Variants in ITGB3BP observed in about 807,000 individuals in gnomAD.
ITGB3BP encodes the protein integrin subunit beta 3 binding protein.
A neutral mutation model predicts 29.1 loss-of-function variants in ITGB3BP; 27 were observed. That is an observed-to-expected ratio of 0.93 (90% CI 0.68 to 1.28). The LOEUF (loss-of-function observed/expected upper bound fraction) is 1.28. Ranked by LOEUF, ITGB3BP falls within the 50% of genes most tolerant of loss-of-function variation. The pLI is 0.00. For missense variants in ITGB3BP, 192 were observed against 200.2 expected (o/e 0.96, Z 0.25); for synonymous variants, 61 against 61.4 (o/e 0.99, Z 0.03).
chr1:63,512,415 C>T (rs1474090821), intron 1 of ITGB3BP, among the ~76,000 whole-genome samples: 4 of 151,800 alleles, frequency 2.6e-5, no homozygotes, highest in African/African-American at 7.3e-5. Flanking sequence ...GAAAAAAAAA[C>T]CCTATCATTT....
intron 2 of ITGB3BP, among the ~76,000 whole-genome samples, chr1:63,506,526 C>T (rs183457040): frequency 3.3e-5 from 5 of 151,998 alleles, no homozygotes; most frequent in African/African-American, 1.2e-4. Context: ...GTGGGAATTA[C>T]GGGAGTACAA....
intron 2 of ITGB3BP, among the ~76,000 whole-genome samples, chr1:63,501,421 G>A (rs1645926887): frequency 6.6e-6 from 1 of 152,152 alleles, no homozygotes; most frequent in African/African-American, 2.4e-5. Context: ...GATCTACACA[G>A]ACAGAAAGTA....
chr1:63,465,558 A>G (rs1645085558), intron 4 of ITGB3BP, among the ~76,000 whole-genome samples: 1 of 151,756 alleles, frequency 6.6e-6, no homozygotes, highest in Non-Finnish European at 1.5e-5. Context: ...AGGCTTGCTA[A>G]TTAAAAAAAA....
chr1:63,462,288 A>G (rs1037904754), intron 4 of ITGB3BP, among the ~76,000 whole-genome samples: 8 of 152,214 alleles, frequency 5.3e-5, no homozygotes, highest in African/African-American at 1.9e-4. Flanking sequence ...CATTACAGGT[A>G]TATGGAAACT....
intron 3 of ITGB3BP, among the ~76,000 whole-genome samples, chr1:63,485,699 T>C (rs74484449): frequency 0.012 from 1,774 of 152,202 alleles, 20 homozygotes; most frequent in African/African-American, 0.031. Context: ...GTCTGAAAAA[T>C]TGTATTTCAT....
chr1:63,442,779 T>C (rs1399878252), intron 8 of ITGB3BP: 2 of 152,216 alleles, frequency 1.3e-5, no homozygotes, highest in Non-Finnish European at 2.9e-5. Context: ...TCATTTATCA[T>C]AACTTGCCTT....
rs930467662 is a variant in ITGB3BP at position 63,472,720 on chromosome 1, G to A, written c.254+6044C>T. The stretch of plus-strand genomic sequence containing the variant: ...TCCAGCTCCTAACCGCGAGTGATCC[G>A]CCAGCCTCGGCCTCCCGAGGCGCCG... On this transcript the variant is annotated intron_variant, in intron 4 of 8. Transcript: ENST00000271002. Among the ~76,000 whole-genome samples, 8 of 150,838 alleles carry A rather than the reference G, an allele frequency of 5.3e-5. No homozygotes were observed. The South Asian group carries it at 1.3e-3, about 24-fold the overall frequency.
At chr1:63,503,185 T>C (rs990146510) in intron 2 of ITGB3BP, among the ~76,000 whole-genome samples, 2 of 152,184 alleles carry the variant, frequency 1.3e-5, no homozygotes, top group African/African-American at 4.8e-5. Context: ...TGTTGTTTCC[T>C]GACTTTTTAA....
At chr1:63,457,716 A>C (rs987048745) in intron 4 of ITGB3BP, 1 of 152,210 alleles carries the variant, frequency 6.6e-6, no homozygotes, top group Non-Finnish European at 1.5e-5. Flanking sequence ...CTCTCGCTAG[A>C]CTAAATTGGA....
chr1:63,494,500 T>C (rs560287238), intron 2 of ITGB3BP, among the ~76,000 whole-genome samples: 20 of 152,286 alleles, frequency 1.3e-4, no homozygotes, highest in Admixed American at 2.0e-4. Context: ...ATGGTAGCCA[T>C]GGAGAACAGA....
At chr1:63,460,531 T>C (rs1645000484) in intron 4 of ITGB3BP, among the ~76,000 whole-genome samples, 1 of 152,194 alleles carries the variant, frequency 6.6e-6, no homozygotes, top group African/African-American at 2.4e-5. Flanking sequence ...TACCACACTT[T>C]ATCCATTCAT....
rs565880094 is a variant in ITGB3BP, at chr1:63,446,870, G to A, written c.485-14C>T. ...GATGACGTGATGCTATATGAAAGAA[G>A]AAAGGTTTTTTTTTTCAGAAAACAA... On this transcript the variant is annotated splice_polypyrimidine_tract_variant and intron_variant, in intron 7 of 8. Transcript: ENST00000271002. 2.0e-4 allele frequency: 315 copies of A among 1,587,098 alleles called. 5 individuals carry two copies. In the South Asian group the frequency reaches 3.4e-3, roughly 17 times the overall value.
intron 2 of ITGB3BP, among the ~76,000 whole-genome samples, chr1:63,493,086 A>ATACGCGCG (rs1645693721): frequency 7.4e-6 from 1 of 134,490 alleles, no homozygotes; most frequent in African/African-American, 2.8e-5. Context: ...ACACACACAC[A>ATACGCGCG]CACGCGCGCG....
intron 1 of ITGB3BP, among the ~76,000 whole-genome samples, chr1:63,518,862 G>A (rs1646391527): frequency 6.6e-6 from 1 of 151,672 alleles, no homozygotes. Flanking sequence ...TTGTTTTTTA[G>A]GTATGCCTCT....
chr1:63,509,821 T>A (rs1227560015), intron 1 of ITGB3BP, among the ~76,000 whole-genome samples: 1 of 152,214 alleles, frequency 6.6e-6, no homozygotes, highest in Non-Finnish European at 1.5e-5. Context: ...GATAATTTTT[T>A]AAAATTTATA....
intron 3 of ITGB3BP, 52 bp downstream of exon 3, chr1:63,490,031 G>T (rs1316257111): frequency 1.6e-5 from 24 of 1,495,578 alleles, no homozygotes; most frequent in Middle Eastern, 1.8e-4. Context: ...ATTTTGATTT[G>T]GCCAATAACT....
chr1:63,441,306 C>T (rs1340464636), intron 8 of ITGB3BP, among the ~76,000 whole-genome samples: 1 of 152,116 alleles, frequency 6.6e-6, no homozygotes, highest in Admixed American at 6.5e-5. Context: ...GGCATGGTCT[C>T]GGCTGACTGC....
intron 2 of ITGB3BP, among the ~76,000 whole-genome samples, chr1:63,493,591 T>C (rs1434613173): frequency 6.6e-5 from 10 of 152,088 alleles, no homozygotes; most frequent in Non-Finnish European, 1.5e-5. Flanking sequence ...TCTAATCTTG[T>C]ACATTAGCAA....
intron 4 of ITGB3BP, among the ~76,000 whole-genome samples, chr1:63,466,817 T>C (rs1006634304): frequency 1.3e-5 from 2 of 152,198 alleles, no homozygotes. Context: ...TCCTAAATGT[T>C]TTATTAGGTA....
Sources: gnomAD v4.1 joint callset for allele counts (sites outside exome capture counted in the v4.1 genomes callset) on GRCh38, gnomAD v4.1.1 for gene constraint, MANE v1.5 for transcripts, NCBI Gene and HGNC (gene_info 2026-07-23, HGNC 2026-07-21) for gene names.